ZNF512: variants seen among roughly 807,000 people sequenced by gnomAD.
The protein encoded by ZNF512 is zinc finger protein 512.
ZNF512 carries 25 observed loss-of-function variants against 77.5 expected under a neutral mutation model. The observed-to-expected ratio is 0.32, with a 90% CI of 0.23 to 0.45. ZNF512 has a LOEUF of 0.45. Among genes scored for constraint, ZNF512 ranks in the 20% least tolerant of loss-of-function variants. The probability of loss-of-function intolerance (pLI) is 1.00; values close to 1 mark genes in which losing one functional copy is unlikely to be tolerated. For missense variants in ZNF512, 483 were observed against 692.6 expected, an observed-to-expected ratio of 0.70 and a Z score of 3.40; for synonymous variants, 246 against 239.9, an observed-to-expected ratio of 1.03 and a Z score of -0.24.
At chr2:27,602,695 A>G in intron 8 of ZNF512, 134 bp downstream of exon 8, 1 of 695,202 alleles carries the variant, frequency 1.4e-6, no homozygotes, top group Non-Finnish European at 2.2e-6. Context: ...AATCATTAAT[A>G]GTTGTTTATT....
chr2:27,596,177 T>C (rs768747872), intron 2 of ZNF512, among the ~76,000 whole-genome samples: 21 of 152,218 alleles, frequency 1.4e-4, no homozygotes, highest in Non-Finnish European at 2.9e-4. Flanking sequence ...CAAACATGAA[T>C]AGCTTAGGGG....
At chr2:27,610,565 T>TATATATAC (rs1672601257) in intron 10 of ZNF512, among the ~76,000 whole-genome samples, 2 of 34,388 alleles carry the variant, frequency 5.8e-5, no homozygotes, top group African/African-American at 2.3e-4. Context: ...TATATATATA[T>TATATATAC]ATATTTTTTT....
chr2:27,611,509 T>G (rs550024592), intron 10 of ZNF512, among the ~76,000 whole-genome samples: 1 of 152,298 alleles, frequency 6.6e-6, no homozygotes, highest in African/African-American at 2.4e-5. Flanking sequence ...GATATGTCTC[T>G]TACTGATGAT....
At chr2:27,604,856 C>T (rs1401404102) in intron 9 of ZNF512, among the ~76,000 whole-genome samples, 1 of 152,200 alleles carries the variant, frequency 6.6e-6, no homozygotes, top group Non-Finnish European at 1.5e-5. Flanking sequence ...CAGCCTTTTC[C>T]TCCAGCTACA....
At position 27,621,312 on chromosome 2, in the gene ZNF512, C is replaced by T. The variant is rs752188255; in HGVS notation, c.1555C>T (p.Leu519=). The change falls in exon 14 of 14, where the codon CTG becomes TTG. Residue 519 remains leucine (L), a synonymous_variant. Coordinates refer to ENST00000355467, the MANE Select transcript of ZNF512 (RefSeq NM_032434.4). The part of the protein sequence containing the change: ...QPGIELPETE[L]SLRVGKDQRR... ...TGGCATTGAGCTTCCCGAGACAGAG[C>T]TGAGTCTTAGAGTAGGGAAGGATCA... is the stretch of plus-strand genomic sequence containing the variant. 1.4e-5 allele frequency: 23 copies of T among 1,614,026 alleles called. No individual in the cohort carries two copies. Among genetic ancestry groups the T allele is most frequent in the Non-Finnish European group, 8.5e-7 (1 of 1,180,028 alleles).
chr2:27,597,944 C>T (rs1671945470), intron 2 of ZNF512, 123 bp from the exon 3 acceptor site: 2 of 634,204 alleles, frequency 3.2e-6, no homozygotes, highest in Non-Finnish European at 5.3e-6. Flanking sequence ...AACTTACATT[C>T]TGTTTTTATA....
At chr2:27,608,715 TAAG>T (rs1208572329) in intron 10 of ZNF512, among the ~76,000 whole-genome samples, 1 of 152,114 alleles carries the variant, frequency 6.6e-6, no homozygotes, top group African/African-American at 2.4e-5. Context: ...GGATACATAA[TAAG>T]AAGTAAGAGA....
intron 2 of ZNF512, among the ~76,000 whole-genome samples, chr2:27,586,813 A>G (rs181107894): frequency 7.9e-5 from 12 of 152,218 alleles, no homozygotes; most frequent in African/African-American, 2.9e-4. Flanking sequence ...TGGTTTGCAT[A>G]TTCTAGGATT....
chr2:27,599,683 G>A lies in ZNF512; in HGVS notation c.373+5G>A. 1.9e-6 allele frequency: 3 copies of A among 1,611,632 alleles called. No homozygotes were observed. The highest frequency in any genetic ancestry group is 2.5e-6 in the Non-Finnish European group (3 of 1,177,944). ...AGAAGAAGCATAAGCTTTATGGTAA[G>A]GCAGTAACTTTGCTACTTCTTTTTC... On this transcript the variant is annotated splice_donor_5th_base_variant and intron_variant, in intron 4 of 13. Transcript: ENST00000355467.
intron 3 of ZNF512, 62 bp downstream of exon 3, chr2:27,598,316 G>A: frequency 6.6e-7 from 1 of 1,515,600 alleles, no homozygotes; most frequent in Non-Finnish European, 9.0e-7. Flanking sequence ...GTTTGAGATT[G>A]TTATAAATAC....
intron 13 of ZNF512, among the ~76,000 whole-genome samples, chr2:27,618,706 A>G (rs997738783): frequency 5.4e-4 from 82 of 152,322 alleles, no homozygotes; most frequent in African/African-American, 1.9e-3. Context: ...TTCAAAATAA[A>G]ATTTTAAAAT....
intron 2 of ZNF512, among the ~76,000 whole-genome samples, chr2:27,594,974 CA>C (rs1336007298): frequency 6.6e-6 from 1 of 152,150 alleles, no homozygotes; most frequent in Non-Finnish European, 1.5e-5. Flanking sequence ...ACCAAAAATA[CA>C]AAAACCAGTC....
rs188253866 is a variant in ZNF512, at chr2:27,593,857, A to G, written c.90-4210A>G. Among the ~76,000 whole-genome samples, 142 of 151,114 alleles carry G rather than the reference A, an allele frequency of 9.4e-4. 1 individual carries two copies. The highest frequency in any genetic ancestry group is 1.4e-3 in the African/African-American group (56 of 41,102). On this transcript the variant is annotated intron_variant, in intron 2 of 13. Coordinates refer to ENST00000355467, the MANE Select transcript of ZNF512 (RefSeq NM_032434.4). The stretch of plus-strand genomic sequence containing the variant: ...AGAGCACAGGGTTGGGGGTAAGGTT[A>G]TAGATCAACAGCATCCCAAGGCAGA...
In ZNF512 at chr2:27,602,537, G is replaced by A. The variant is rs751304702; in HGVS notation, c.744G>A (p.Leu248=). The A allele has an allele frequency of 6.2e-7, 1 of 1,613,750 alleles. No homozygotes were observed. Among genetic ancestry groups the A allele is most frequent in the Admixed American group, 1.7e-5 (1 of 59,944 alleles). ...GGCTCCGAACAGTTCTAAAGAGACTGGGAAAGCTCAGGTGCATGCGTGAGG... is the reference window on the plus strand; with the variant it reads ...GGCTCCGAACAGTTCTAAAGAGACTAGGAAAGCTCAGGTGCATGCGTGAGG... ...RERLRTVLKR[L]GKLRCMRESC... The change falls in exon 8 of 14, where the codon CTG becomes CTA. Residue 248 remains leucine (L), a synonymous_variant. Transcript: ENST00000355467.
intron 2 of ZNF512, among the ~76,000 whole-genome samples, chr2:27,593,245 C>CAA (rs199929877): frequency 8.1e-6 from 1 of 122,726 alleles, no homozygotes; most frequent in Admixed American, 8.2e-5. Context: ...CACACACACA[C>CAA]AAAAGAATGA....
At chr2:27,615,301 T>C (rs747016409) in intron 11 of ZNF512, 32 bp downstream of exon 11, 2 of 1,418,868 alleles carry the variant, frequency 1.4e-6, no homozygotes, top group Admixed American at 4.1e-5. Flanking sequence ...ATTCAGTAAA[T>C]GTTTATCAAG....
chr2:27,594,989 C>T (rs932143614), intron 2 of ZNF512, among the ~76,000 whole-genome samples: 4 of 152,160 alleles, frequency 2.6e-5, no homozygotes, highest in Admixed American at 6.5e-5. Flanking sequence ...ACCAGTCAGG[C>T]GTGGCGGCGC....
chr2:27,588,609 T>C (rs1671440348), intron 2 of ZNF512, among the ~76,000 whole-genome samples: 1 of 152,082 alleles, frequency 6.6e-6, no homozygotes, highest in African/African-American at 2.4e-5. Flanking sequence ...ACTCTCCTTA[T>C]TCTGTTCTAC....
chr2:27,610,029 A>T (rs1445817263), intron 10 of ZNF512, among the ~76,000 whole-genome samples: 1 of 151,870 alleles, frequency 6.6e-6, no homozygotes, highest in Non-Finnish European at 1.5e-5. Context: ...CCACAGAGCA[A>T]GACTTCATCT....
Sources: allele counts gnomAD v4.1 joint callset (sites outside exome capture counted in the v4.1 genomes callset), GRCh38; gene constraint gnomAD v4.1.1; transcripts MANE v1.5; gene names NCBI Gene and HGNC (gene_info 2026-07-23, HGNC 2026-07-21).